The following ALX1 variants were observed in gnomAD, a reference collection of about 807,000 sequenced individuals.
The protein encoded by ALX1 is ALX homeobox protein 1.
Under a neutral mutation model 31.7 loss-of-function variants are expected in ALX1, and 19 were observed. The ratio of observed to expected loss-of-function variants is 0.60; its 90% CI spans 0.42 to 0.88. The LOEUF is 0.88. Ranked by LOEUF, ALX1 falls within the 40% of genes least tolerant of loss-of-function variation. ALX1 has a pLI of 0.00. For synonymous variants in ALX1, 153 were observed against 148.8 expected (o/e 1.03, Z -0.20); for missense variants, 415 against 407.8 (o/e 1.02, Z -0.15).
intron 2 of ALX1, 87 bp from the exon 3 acceptor site, chr12:85,286,766 T>C: frequency 8.0e-7 from 1 of 1,247,780 alleles, no homozygotes; most frequent in Non-Finnish European, 1.1e-6. Flanking sequence ...TAACCTGGTT[T>C]ACCTTTCTTG....
chr12:85,283,249 G>A lies in ALX1; in HGVS notation c.227-323G>A, dbSNP rs548178370. On this transcript the variant is annotated intron_variant, in intron 1 of 3. Coordinates refer to ENST00000316824, the MANE Select transcript of ALX1 (RefSeq NM_006982.3). ...TTTTCAAAAATCATGGACACTTAAA[G>A]TTTCTTTCATGAAACACCCAGATCA... Among the ~76,000 whole-genome samples, 3 of 152,208 alleles carry A rather than the reference G, an allele frequency of 2.0e-5. No homozygotes were observed. In the South Asian group the frequency reaches 6.2e-4, roughly 32 times the overall value.
intron 1 of ALX1, among the ~76,000 whole-genome samples, chr12:85,281,104 AAC>A (rs1225847110): frequency 6.6e-6 from 1 of 152,168 alleles, no homozygotes; most frequent in Non-Finnish European, 1.5e-5. Context: ...TTTGCAATAC[AAC>A]ACGCGTTGAA....
intron 3 of ALX1, among the ~76,000 whole-genome samples, chr12:85,288,153 A>T (rs531692957): frequency 3.0e-4 from 45 of 151,692 alleles, no homozygotes; most frequent in African/African-American, 1.1e-3. Flanking sequence ...TCCTTTAAAA[A>T]AGTTATGAAA....
At chr12:85,285,837 A>C in intron 2 of ALX1, among the ~76,000 whole-genome samples, 1 of 152,116 alleles carries the variant, frequency 6.6e-6, no homozygotes, top group South Asian at 2.1e-4. Flanking sequence ...ATGTTCATTT[A>C]AAAACATCCA....
chr12:85,300,423 A>G (rs899911863), intron 3 of ALX1, among the ~76,000 whole-genome samples: 1 of 152,056 alleles, frequency 6.6e-6, no homozygotes, highest in African/African-American at 2.4e-5. Flanking sequence ...ATAGTTGCAC[A>G]TCTTTCTCAG....
At chr12:85,289,541 T>A (rs1306919336) in intron 3 of ALX1, among the ~76,000 whole-genome samples, 1 of 151,254 alleles carries the variant, frequency 6.6e-6, no homozygotes, top group Non-Finnish European at 1.5e-5. Flanking sequence ...TTCCTCATAA[T>A]TTTGTATACA....
intron 3 of ALX1, among the ~76,000 whole-genome samples, chr12:85,287,262 G>T (rs1896760636): frequency 6.6e-6 from 1 of 151,504 alleles, no homozygotes; most frequent in Non-Finnish European, 1.5e-5. Flanking sequence ...AATGATACAG[G>T]TATTTTAATT....
intron 2 of ALX1, among the ~76,000 whole-genome samples, chr12:85,285,088 G>A (rs773532028): frequency 5.3e-5 from 8 of 151,988 alleles, no homozygotes; most frequent in South Asian, 2.1e-4. Context: ...ATTAACACCC[G>A]CTGTGTAAGT....
At chr12:85,300,211 G>A (rs1896944933) in intron 3 of ALX1, among the ~76,000 whole-genome samples, 1 of 151,848 alleles carries the variant, frequency 6.6e-6, no homozygotes, top group Non-Finnish European at 1.5e-5. Flanking sequence ...TGTTACATAA[G>A]GTCTATATCA....
intron 3 of ALX1, among the ~76,000 whole-genome samples, chr12:85,291,356 C>G (rs1896816137): frequency 6.6e-6 from 1 of 151,142 alleles, no homozygotes; most frequent in South Asian, 2.1e-4. Flanking sequence ...TTTGCAAACA[C>G]TTCTTGGTGC....
chr12:85,301,664 T>C lies in ALX1; in HGVS notation c.*189T>C, dbSNP rs903805542. 1.0e-5 allele frequency: 7 copies of C among 679,946 alleles called. No homozygotes were observed. The highest frequency in any genetic ancestry group is 5.4e-5 in the African/African-American group (3 of 55,292). 42.1% of individuals were successfully genotyped at this position (679,946 alleles called of 1,614,324 possible). On this transcript the variant is annotated 3_prime_UTR_variant, in exon 4 of 4. Coordinates refer to ENST00000316824, the MANE Select transcript of ALX1 (RefSeq NM_006982.3). ...AGAATGAACCTCTGAAAAGACTAAA[T>C]AGGTTTACCATGTGCCAGTCTCCAC...
chr12:85,284,755 T>C (rs974358643), intron 2 of ALX1, among the ~76,000 whole-genome samples: 3 of 152,150 alleles, frequency 2.0e-5, no homozygotes, highest in African/African-American at 7.2e-5. Flanking sequence ...GAGTTTAAAA[T>C]GCAACAATAA....
chr12:85,297,262 G>T (rs1183871740), intron 3 of ALX1, among the ~76,000 whole-genome samples: 2 of 151,552 alleles, frequency 1.3e-5, no homozygotes, highest in Non-Finnish European at 3.0e-5. Context: ...ATGATATTCT[G>T]GTGTAAATGC....
rs913560367 is a variant in ALX1 at position 85,296,626 on chromosome 12, T to TA, written c.661-4520dup. 5.3e-3 allele frequency among the ~76,000 whole-genome samples: 795 copies of TA among 150,544 alleles called. 4 individuals are homozygous for TA. The highest frequency in any genetic ancestry group is 0.019 in the African/African-American group (774 of 41,118). ...GTGCTTTGAACACACCCCTAATATTTAAAAAAAAAGTTTCAGAGAACGTTA... is the reference window on the plus strand; with the variant it reads ...GTGCTTTGAACACACCCCTAATATTTAAAAAAAAAAGTTTCAGAGAACGTTA... On this transcript the variant is annotated intron_variant, in intron 3 of 3. Transcript: ENST00000316824.
chr12:85,280,850 A>AGTCCGGGCGGTCC (rs1347388647), intron 1 of ALX1, among the ~76,000 whole-genome samples: 47 of 152,196 alleles, frequency 3.1e-4, no homozygotes, highest in African/African-American at 1.1e-3. Flanking sequence ...TTCCTCTGCG[A>AGTCCGGGCGGTCC]GCCCGCCTTG....
chr12:85,284,249 C>T (rs1232992109), intron 2 of ALX1, among the ~76,000 whole-genome samples: 5 of 144,358 alleles, frequency 3.5e-5, no homozygotes, highest in African/African-American at 1.3e-4. Context: ...TTATTAGCCA[C>T]TAAGGTTCTT....
intron 3 of ALX1, among the ~76,000 whole-genome samples, chr12:85,287,483 A>C (rs1896763478): frequency 6.7e-6 from 1 of 148,534 alleles, no homozygotes; most frequent in African/African-American, 2.5e-5. Flanking sequence ...CAAATTGCTT[A>C]TTCTCTAAAG....
chr12:85,283,456 A>G, intron 1 of ALX1, 116 bp from the exon 2 acceptor site: 5 of 1,023,890 alleles, frequency 4.9e-6, no homozygotes, highest in Non-Finnish European at 7.5e-6. Context: ...TAATACTAGC[A>G]CAATAAATTA....
At chr12:85,286,824 TA>T in intron 2 of ALX1, 28 bp from the exon 3 acceptor site, 1 of 1,533,520 alleles carries the variant, frequency 6.5e-7, no homozygotes, top group East Asian at 2.5e-5. Flanking sequence ...ATTCCTTAGC[TA>T]AAATTCTAAT....
Sources: gnomAD v4.1 joint callset for allele counts (sites outside exome capture counted in the v4.1 genomes callset) on GRCh38, gnomAD v4.1.1 for gene constraint, MANE v1.5 for transcripts, NCBI Gene and HGNC (gene_info 2026-07-23, HGNC 2026-07-21) for gene names.